The following RPS6KC1 variants were observed in gnomAD, a reference collection of about 807,000 sequenced individuals.
The protein encoded by RPS6KC1 is inactive ribosomal protein S6 kinase delta-1.
In RPS6KC1, 54 loss-of-function variants were observed where a neutral mutation model predicts 103.8. That is an observed-to-expected ratio of 0.52 (90% confidence interval 0.42 to 0.65). RPS6KC1 has a LOEUF of 0.65. RPS6KC1 is among the 30% of genes least tolerant of loss of function. The pLI, the probability that RPS6KC1 is intolerant of heterozygous loss-of-function variation, is 0.00. For synonymous variants in RPS6KC1, 439 were observed against 438.7 expected (o/e 1.00, Z -0.01); for missense variants, 1,151 against 1,253.8 (o/e 0.92, Z 1.24).
the RPS6KC1 span, among the ~76,000 whole-genome samples, chr1:213,417,812 A>G: frequency 6.6e-6 from 1 of 152,322 alleles, no homozygotes; most frequent in African/African-American, 2.4e-5. Context: ...GAACACACAC[A>G]GGTGAGTTGG....
chr1:213,628,601 A>G, the RPS6KC1 span, among the ~76,000 whole-genome samples: 2 of 151,962 alleles, frequency 1.3e-5, no homozygotes, highest in Non-Finnish European at 2.9e-5. Flanking sequence ...AACATTAGGT[A>G]TATCTCCTAA....
chr1:213,190,514 A>G (rs893901477), intron 8 of RPS6KC1, among the ~76,000 whole-genome samples: 4 of 152,054 alleles, frequency 2.6e-5, no homozygotes, highest in East Asian at 1.9e-4. Context: ...ATTTTTTCCT[A>G]TAGAGATGTT....
At chr1:213,345,060 T>A in the RPS6KC1 span, among the ~76,000 whole-genome samples, 2 of 152,246 alleles carry the variant, frequency 1.3e-5, no homozygotes, top group Non-Finnish European at 2.9e-5. Flanking sequence ...GGGTCATATA[T>A]CTTCCTTAGG....
chr1:213,231,560 C>T (rs1321319540), intron 9 of RPS6KC1, among the ~76,000 whole-genome samples: 1 of 152,146 alleles, frequency 6.6e-6, no homozygotes, highest in East Asian at 1.9e-4. Context: ...CACATTGACA[C>T]ATACTGAAAC....
At chr1:213,499,811 T>C in the RPS6KC1 span, among the ~76,000 whole-genome samples, 2 of 152,210 alleles carry the variant, frequency 1.3e-5, no homozygotes, top group African/African-American at 2.4e-5. Flanking sequence ...TTGAAAAGTG[T>C]AGGCAGTTGT....
chr1:213,651,726 T>A, the RPS6KC1 span, among the ~76,000 whole-genome samples: 1 of 152,338 alleles, frequency 6.6e-6, no homozygotes. Context: ...TTTCTGTTCC[T>A]TTCTATTGCT....
At chr1:213,517,525 G>A in the RPS6KC1 span, among the ~76,000 whole-genome samples, 21 of 152,332 alleles carry the variant, frequency 1.4e-4, no homozygotes, top group African/African-American at 4.1e-4. Context: ...CACTTTCCAT[G>A]TAGTTGAGCA....
chr1:213,817,608 T>C, the RPS6KC1 span: 2 of 152,208 alleles, frequency 1.3e-5, no homozygotes, highest in African/African-American at 2.4e-5. Context: ...TCCAACCCTG[T>C]CTGAGCGTTC....
At chr1:213,418,038 C>G in the RPS6KC1 span, among the ~76,000 whole-genome samples, 2 of 152,140 alleles carry the variant, frequency 1.3e-5, 1 homozygote, top group Non-Finnish European at 2.9e-5. Context: ...CCCATTCCCC[C>G]CAGCTTCCAT....
At chr1:213,156,276 T>TC (rs1407253335) in intron 6 of RPS6KC1, among the ~76,000 whole-genome samples, 2 of 152,142 alleles carry the variant, frequency 1.3e-5, no homozygotes, top group African/African-American at 4.8e-5. Flanking sequence ...ATTAATGAAC[T>TC]TGAGGACATA....
chr1:213,440,830 G>A, the RPS6KC1 span, among the ~76,000 whole-genome samples: 161 of 152,170 alleles, frequency 1.1e-3, no homozygotes, highest in African/African-American at 3.6e-3. Context: ...CTGTGCTGAG[G>A]GCTTCCCACC....
chr1:213,604,204 C>T, the RPS6KC1 span, among the ~76,000 whole-genome samples: 1 of 152,060 alleles, frequency 6.6e-6, no homozygotes, highest in Non-Finnish European at 1.5e-5. Flanking sequence ...TCTTCCTTGT[C>T]TGCCATTTCT....
chr1:213,172,115 A>G (rs1407715688), intron 7 of RPS6KC1, among the ~76,000 whole-genome samples: 1 of 152,234 alleles, frequency 6.6e-6, no homozygotes, highest in Non-Finnish European at 1.5e-5. Flanking sequence ...GCAGAATATC[A>G]GACCTACTGA....
the RPS6KC1 span, among the ~76,000 whole-genome samples, chr1:213,367,180 G>A: frequency 6.6e-6 from 1 of 152,230 alleles, no homozygotes; most frequent in South Asian, 2.1e-4. Flanking sequence ...GAGTAGGATT[G>A]TAGCCTCCTT....
chr1:213,520,939 A>G, the RPS6KC1 span, among the ~76,000 whole-genome samples: 1 of 152,074 alleles, frequency 6.6e-6, no homozygotes, highest in Admixed American at 6.6e-5. Context: ...CTCCATTCCT[A>G]CTCCCCAGAG....
intron 8 of RPS6KC1, among the ~76,000 whole-genome samples, chr1:213,193,907 A>T (rs1368669310): frequency 6.6e-6 from 1 of 151,110 alleles, no homozygotes; most frequent in Non-Finnish European, 1.5e-5. Flanking sequence ...GGATTGGAGG[A>T]GTGAGCCACC....
chr1:213,597,070 A>C, the RPS6KC1 span, among the ~76,000 whole-genome samples: 2 of 152,220 alleles, frequency 1.3e-5, no homozygotes, highest in African/African-American at 4.8e-5. Flanking sequence ...GATGGCATAC[A>C]TACCCGAACA....
chr1:213,525,047 G>A, the RPS6KC1 span, among the ~76,000 whole-genome samples: 5 of 152,298 alleles, frequency 3.3e-5, no homozygotes, highest in South Asian at 4.1e-4. Flanking sequence ...GGTAAAGTGC[G>A]TGACACCCAG....
At chr1:213,522,260 T>G in the RPS6KC1 span, among the ~76,000 whole-genome samples, 3 of 152,224 alleles carry the variant, frequency 2.0e-5, no homozygotes, top group South Asian at 6.2e-4. Context: ...GACTCTCTTT[T>G]TTCCTGAGCA....
Sources: allele counts gnomAD v4.1 joint callset (sites outside exome capture counted in the v4.1 genomes callset), GRCh38; gene constraint gnomAD v4.1.1; transcripts MANE v1.5; gene names NCBI Gene and HGNC (gene_info 2026-07-23, HGNC 2026-07-21).